Variants in SGCG observed in about 807,000 individuals in gnomAD.
SGCG encodes the protein sarcoglycan gamma, also known as gamma-sarcoglycan.
Under a neutral mutation model 29.3 loss-of-function variants are expected in SGCG, and 26 were observed. That is an observed-to-expected ratio of 0.89 (90% CI 0.65 to 1.23). SGCG has a LOEUF of 1.23. Ranked by LOEUF, SGCG falls within the 50% of genes most tolerant of loss-of-function variation. The pLI, the probability that SGCG is intolerant of heterozygous loss-of-function variation, is 0.00. For synonymous variants in SGCG, 145 were observed against 129.7 expected (o/e 1.12, Z -0.80); for missense variants, 353 against 356.0 (o/e 0.99, Z 0.07).
chr13:23,258,349 G>T (rs1246793257), intron 4 of SGCG, among the ~76,000 whole-genome samples: 1 of 152,156 alleles, frequency 6.6e-6, no homozygotes, highest in Non-Finnish European at 1.5e-5. Context: ...CTCTCTGTTT[G>T]TGTGTTATTG....
chr13:23,322,968 GT>G (rs1397496967), intron 7 of SGCG, among the ~76,000 whole-genome samples: 1 of 152,070 alleles, frequency 6.6e-6, no homozygotes, highest in African/African-American at 2.4e-5. Context: ...ATGTCATAGG[GT>G]TTTGAGACAC....
intron 3 of SGCG, among the ~76,000 whole-genome samples, chr13:23,235,520 A>G (rs1373685750): frequency 3.3e-5 from 5 of 152,248 alleles, no homozygotes. Context: ...AAGTAAATCA[A>G]GGTTTTCTTC....
At position 23,324,579 on chromosome 13, in the gene SGCG, C is replaced by A; in HGVS notation, c.*38C>A. ...CTCTCGGTGAGCTGTGCAGTGCCGG[C>A]CCCAGATCCTCACACCCAGGGAGCA... On this transcript the variant is annotated 3_prime_UTR_variant, in exon 8 of 8. Transcript: ENST00000218867. 1 of 1,573,948 alleles carries A rather than the reference C, an allele frequency of 6.4e-7. No individual in the cohort carries two copies. The highest frequency in any genetic ancestry group is 8.7e-7 in the Non-Finnish European group (1 of 1,152,778).
chr13:23,298,062 T>G (rs1881978740), intron 6 of SGCG, among the ~76,000 whole-genome samples: 1 of 150,580 alleles, frequency 6.6e-6, no homozygotes, highest in Admixed American at 6.6e-5. Context: ...ACTTTTTAAA[T>G]TGTTATTATA....
chr13:23,190,426 C>T (rs12876088), intron 1 of SGCG, among the ~76,000 whole-genome samples: 92,298 of 151,750 alleles, frequency 0.61, 29,055 homozygotes, highest in African/African-American at 0.78. Flanking sequence ...TAATAGCAAG[C>T]ATAATGACTT....
At chr13:23,284,354 T>C (rs1881418663) in intron 5 of SGCG, among the ~76,000 whole-genome samples, 1 of 152,106 alleles carries the variant, frequency 6.6e-6, no homozygotes, top group African/African-American at 2.4e-5. Flanking sequence ...TTTGATTAAG[T>C]TGATCTTCAA....
intron 5 of SGCG, among the ~76,000 whole-genome samples, chr13:23,291,723 G>A (rs2137638089): frequency 6.6e-6 from 1 of 152,274 alleles, no homozygotes; most frequent in Non-Finnish European, 1.5e-5. Flanking sequence ...TAGAAGGTAA[G>A]TAATTGGCAT....
intron 6 of SGCG, among the ~76,000 whole-genome samples, chr13:23,315,691 G>T (rs1315292796): frequency 3.9e-5 from 6 of 152,198 alleles, no homozygotes; most frequent in African/African-American, 1.2e-4. Context: ...TGTGCACTTC[G>T]CATGGAAGGA....
the SGCG span, among the ~76,000 whole-genome samples, chr13:23,165,169 T>G: frequency 1.3e-5 from 2 of 152,222 alleles, no homozygotes; most frequent in Non-Finnish European, 2.9e-5. Context: ...CAATGAACTA[T>G]TTGAATTAAT....
At chr13:23,315,300 C>T (rs1882763683) in intron 6 of SGCG, among the ~76,000 whole-genome samples, 1 of 152,202 alleles carries the variant, frequency 6.6e-6, no homozygotes, top group African/African-American at 2.4e-5. Flanking sequence ...TGCCTTTTGA[C>T]CCATCTAGCC....
intron 6 of SGCG, among the ~76,000 whole-genome samples, chr13:23,302,678 T>C (rs2137658483): frequency 6.6e-6 from 1 of 152,036 alleles, no homozygotes; most frequent in Non-Finnish European, 1.5e-5. Context: ...AAAGAAAAAA[T>C]CAATATATTA....
At chr13:23,258,848 T>A (rs1172261740) in intron 4 of SGCG, among the ~76,000 whole-genome samples, 1 of 152,208 alleles carries the variant, frequency 6.6e-6, no homozygotes, top group Non-Finnish European at 1.5e-5. Context: ...ATGGATTACG[T>A]TTAATGATTT....
At chr13:23,258,105 G>A (rs1880270656) in intron 4 of SGCG, among the ~76,000 whole-genome samples, 1 of 152,142 alleles carries the variant, frequency 6.6e-6, no homozygotes, top group Admixed American at 6.5e-5. Context: ...TAGCTTGATG[G>A]GGATGGCATT....
intron 2 of SGCG, among the ~76,000 whole-genome samples, chr13:23,233,517 G>A (rs1041734498): frequency 6.6e-6 from 1 of 151,960 alleles, no homozygotes; most frequent in Non-Finnish European, 1.5e-5. Context: ...CCAGGTGGTT[G>A]GGTGGAGGGG....
intron 2 of SGCG, among the ~76,000 whole-genome samples, chr13:23,229,134 TG>T (rs1879012413): frequency 6.6e-6 from 1 of 152,196 alleles, no homozygotes; most frequent in Admixed American, 6.5e-5. Context: ...CCTCCCAAAG[TG>T]CTGGGATTAC....
chr13:23,194,285 A>G (rs931690185), intron 1 of SGCG, among the ~76,000 whole-genome samples: 1 of 152,220 alleles, frequency 6.6e-6, no homozygotes, highest in African/African-American at 2.4e-5. Context: ...TTCTTACTCC[A>G]TGGTTTACCA....
intron 3 of SGCG, chr13:23,247,085 C>G: frequency 5.9e-6 from 1 of 169,416 alleles, no homozygotes. Context: ...CAGGCCTGGC[C>G]CTGCATACGG....
At position 23,249,766 on chromosome 13, in the gene SGCG, T is replaced by C. The variant is rs532478213; in HGVS notation, c.298-864T>C. Among the ~76,000 whole-genome samples the C allele has an allele frequency of 2.6e-5, 4 of 152,266 alleles. No homozygotes were observed. The East Asian group carries it at 7.7e-4, about 29-fold the overall frequency. On this transcript the variant is annotated intron_variant, in intron 3 of 7. Coordinates refer to ENST00000218867, the MANE Select transcript of SGCG (RefSeq NM_000231.3). ...AAAGCCACAATGGACAGCATTCATA[T>C]AGACAAAAATTAATGAACCAAATGT...
intron 4 of SGCG, 88 bp downstream of exon 4, chr13:23,250,805 CA>C: frequency 1.5e-5 from 12 of 815,986 alleles, no homozygotes; most frequent in Non-Finnish European, 2.1e-5. Context: ...CTAAAGAAAT[CA>C]AAGCTACTTA....
Sources: gnomAD v4.1 joint callset for allele counts (sites outside exome capture counted in the v4.1 genomes callset) on GRCh38, gnomAD v4.1.1 for gene constraint, MANE v1.5 for transcripts, NCBI Gene and HGNC (gene_info 2026-07-23, HGNC 2026-07-21) for gene names.